The following NLN variants were observed in gnomAD, a reference collection of about 807,000 sequenced individuals.
NLN encodes neurolysin, mitochondrial.
Under a neutral mutation model 79.9 loss-of-function variants are expected in NLN, and 64 were observed. The ratio of observed to expected loss-of-function variants is 0.80; its 90% CI spans 0.65 to 0.99. The LOEUF is 0.99. Ranked by LOEUF, NLN falls within the 50% of genes least tolerant of loss-of-function variation. The pLI is 0.00. For synonymous variants in NLN, 267 were observed against 296.6 expected (o/e 0.90, Z 1.02); for missense variants, 835 against 858.7 (o/e 0.97, Z 0.34).
intron 9 of NLN, among the ~76,000 whole-genome samples, chr5:65,805,250 A>C (rs1173085759): frequency 6.6e-6 from 1 of 152,222 alleles, no homozygotes; most frequent in Non-Finnish European, 1.5e-5. Flanking sequence ...AATGATCTGT[A>C]AGTGTTCAAG....
chr5:65,726,060 C>G (rs1229199103), intron 1 of NLN, among the ~76,000 whole-genome samples: 1 of 149,606 alleles, frequency 6.7e-6, no homozygotes, highest in East Asian at 2.0e-4. Flanking sequence ...TGCAGTGCGC[C>G]GAGATTGTGC....
intron 1 of NLN, among the ~76,000 whole-genome samples, chr5:65,736,924 CA>C (rs1758740192): frequency 6.6e-6 from 1 of 151,964 alleles, no homozygotes; most frequent in East Asian, 1.9e-4. Flanking sequence ...TATATAGGAA[CA>C]CCCTGTATCT....
intron 1 of NLN, among the ~76,000 whole-genome samples, chr5:65,752,092 T>G (rs1759114431): frequency 6.6e-6 from 1 of 151,928 alleles, no homozygotes; most frequent in Admixed American, 6.6e-5. Flanking sequence ...GTACAAAAAA[T>G]TAGCCAGGTG....
intron 1 of NLN, among the ~76,000 whole-genome samples, chr5:65,738,242 G>T (rs778049451): frequency 1.3e-5 from 2 of 152,038 alleles, no homozygotes; most frequent in Non-Finnish European, 2.9e-5. Flanking sequence ...ACAGAGTGGA[G>T]AGATTGATAT....
At chr5:65,811,789 T>G (rs1760552382) in intron 11 of NLN, among the ~76,000 whole-genome samples, 1 of 152,196 alleles carries the variant, frequency 6.6e-6, no homozygotes, top group African/African-American at 2.4e-5. Context: ...ACCACTGTAC[T>G]CCAGCTTGGG....
chr5:65,722,526 G>A (rs1758338367), intron 1 of NLN, 112 bp downstream of exon 1: 1 of 988,778 alleles, frequency 1.0e-6, no homozygotes, highest in Non-Finnish European at 1.5e-6. Context: ...CGACGCTCCC[G>A]GGACGCACCC....
chr5:65,727,690 C>T (rs193109885), intron 1 of NLN, among the ~76,000 whole-genome samples: 4 of 152,268 alleles, frequency 2.6e-5, no homozygotes, highest in Admixed American at 2.6e-4. Context: ...AGAAGGTTGA[C>T]TCAACAATAT....
chr5:65,746,849 A>G (rs895353220), intron 1 of NLN, among the ~76,000 whole-genome samples: 4 of 151,838 alleles, frequency 2.6e-5, no homozygotes, highest in Non-Finnish European at 4.4e-5. Context: ...CTAAAAGTAC[A>G]AAAAATTAGC....
At chr5:65,779,421 T>C (rs1394151301) in intron 4 of NLN, among the ~76,000 whole-genome samples, 1 of 152,172 alleles carries the variant, frequency 6.6e-6, no homozygotes, top group Non-Finnish European at 1.5e-5. Context: ...CCTAATACTT[T>C]TTATGCAAAT....
rs578085232 is a variant in NLN at position 65,767,492 on chromosome 5, AT to A, written c.450+4392del. ...GGGAAGGAGGGGGGAGCACAAAACC[AT>A]TTTTTTTCTCCTAGGCCTCCAGGCC... On this transcript the variant is annotated intron_variant, in intron 3 of 12. Coordinates refer to ENST00000380985, the MANE Select transcript of NLN (RefSeq NM_020726.5). 3.4e-4 allele frequency among the ~76,000 whole-genome samples: 51 copies of A among 151,476 alleles called. 1 individual carries two copies. The highest frequency in any genetic ancestry group is 7.0e-4 in the African/African-American group (29 of 41,242).
rs969613337 is a variant in NLN, at chr5:65,722,313, C to G, written c.-61C>G. ...TCCCGGGCGCCCAGGCGCTGCCGCC[C>G]GCCTCGCCGCCCCACGCCGAAGGAC... is the stretch of plus-strand genomic sequence containing the variant. On this transcript the variant is annotated 5_prime_UTR_variant, in exon 1 of 13. Transcript: ENST00000380985. 4 of 1,427,414 alleles carry G rather than the reference C, an allele frequency of 2.8e-6. No homozygotes were observed. The African/African-American group carries it at 4.5e-5, about 16-fold the overall frequency. The allele number at this position is 1,427,414 out of a possible 1,614,324, so 88.4% of individuals were successfully genotyped here.
intron 1 of NLN, among the ~76,000 whole-genome samples, chr5:65,752,540 A>G (rs1439389713): frequency 6.6e-6 from 1 of 152,236 alleles, no homozygotes; most frequent in Non-Finnish European, 1.5e-5. Flanking sequence ...TCTCAAGAAT[A>G]CAAGTGCAGC....
At chr5:65,815,229 T>C (rs1760644710) in intron 12 of NLN, among the ~76,000 whole-genome samples, 1 of 152,198 alleles carries the variant, frequency 6.6e-6, no homozygotes, top group African/African-American at 2.4e-5. Context: ...CCCTCTATCA[T>C]TACCTTTTCT....
intron 4 of NLN, 45 bp from the exon 5 acceptor site, chr5:65,780,134 G>C: frequency 1.2e-6 from 1 of 822,190 alleles, no homozygotes; most frequent in East Asian, 2.6e-5. Context: ...CAAAAAATGA[G>C]TTTCTTTTTA....
At chr5:65,766,427 A>G (rs1759451423) in intron 3 of NLN, among the ~76,000 whole-genome samples, 1 of 152,182 alleles carries the variant, frequency 6.6e-6, no homozygotes, top group African/African-American at 2.4e-5. Flanking sequence ...AGATCTTGTA[A>G]GAACTCACTC....
At chr5:65,747,272 G>A (rs1298451218) in intron 1 of NLN, among the ~76,000 whole-genome samples, 1 of 152,186 alleles carries the variant, frequency 6.6e-6, no homozygotes, top group African/African-American at 2.4e-5. Flanking sequence ...AATTCGGGGA[G>A]GCTGGTCACA....
At chr5:65,739,122 C>T (rs963330203) in intron 1 of NLN, among the ~76,000 whole-genome samples, 2 of 148,440 alleles carry the variant, frequency 1.3e-5, no homozygotes, top group Admixed American at 6.8e-5. Flanking sequence ...AGGCTGGTTT[C>T]GAACTTCTGA....
At chr5:65,802,398 G>A (rs1251930805) in intron 9 of NLN, among the ~76,000 whole-genome samples, 2 of 152,234 alleles carry the variant, frequency 1.3e-5, no homozygotes, top group African/African-American at 4.8e-5. Flanking sequence ...TTCACAGCTG[G>A]CACTGGGGAA....
At chr5:65,805,904 G>T (rs909316622) in intron 9 of NLN, among the ~76,000 whole-genome samples, 9 of 152,200 alleles carry the variant, frequency 5.9e-5, no homozygotes, top group Admixed American at 4.6e-4. Flanking sequence ...AATGCAGCTG[G>T]TGACTTGAAG....
Sources: gnomAD v4.1 joint callset for allele counts (sites outside exome capture counted in the v4.1 genomes callset) on GRCh38, gnomAD v4.1.1 for gene constraint, MANE v1.5 for transcripts, NCBI Gene and HGNC (gene_info 2026-07-23, HGNC 2026-07-21) for gene names.